Variants in BMPR1B observed in about 807,000 individuals in gnomAD.
BMPR1B encodes bone morphogenetic protein receptor type 1B.
A neutral mutation model predicts 59.1 loss-of-function variants in BMPR1B; 12 were observed. The observed-to-expected ratio is 0.20, with a 90% CI of 0.13 to 0.33. The LOEUF (loss-of-function observed/expected upper bound fraction) is 0.33. Among genes scored for constraint, BMPR1B ranks in the 10% least tolerant of loss-of-function variants. The pLI, the probability that BMPR1B is intolerant of heterozygous loss-of-function variation, is 1.00. For missense variants in BMPR1B, 550 were observed against 610.9 expected (o/e 0.90, Z 1.05); for synonymous variants, 237 against 207.3 (o/e 1.14, Z -1.23).
chr4:95,080,737 A>C (rs552196028), intron 3 of BMPR1B, among the ~76,000 whole-genome samples: 1 of 152,212 alleles, frequency 6.6e-6, no homozygotes, highest in African/African-American at 2.4e-5. Flanking sequence ...CAGTGTGCTC[A>C]CAGTGAAAAC....
At chr4:94,979,144 T>C (rs4699825) in intron 2 of BMPR1B, among the ~76,000 whole-genome samples, 145,082 of 152,084 alleles carry the variant, frequency 0.95, 69,238 homozygotes, top group Middle Eastern at 0.99. Flanking sequence ...CGGGGTCCCT[T>C]CATGACACGT....
At chr4:95,003,593 C>T (rs1722605385) in intron 3 of BMPR1B, among the ~76,000 whole-genome samples, 2 of 151,996 alleles carry the variant, frequency 1.3e-5, no homozygotes, top group Non-Finnish European at 2.9e-5. Context: ...TGAATAACCA[C>T]CTCCATTTAC....
intron 1 of BMPR1B, among the ~76,000 whole-genome samples, chr4:94,827,142 C>T (rs1724410639): frequency 6.6e-6 from 1 of 152,004 alleles, no homozygotes; most frequent in Non-Finnish European, 1.5e-5. Context: ...CCTCATCCCC[C>T]TCTGTGTCTC....
At chr4:95,071,646 G>GTATATATATATATA (rs1179814583) in intron 3 of BMPR1B, among the ~76,000 whole-genome samples, 255 of 86,346 alleles carry the variant, frequency 3.0e-3, no homozygotes, top group African/African-American at 0.012. Context: ...GTGTGTGTGT[G>GTATATATATATATA]TGTGTGTATA....
intron 2 of BMPR1B, among the ~76,000 whole-genome samples, chr4:94,993,919 G>A (rs953147760): frequency 6.6e-6 from 1 of 152,086 alleles, no homozygotes; most frequent in African/African-American, 2.4e-5. Context: ...ATCTCTGTGT[G>A]TTACTTAAAT....
intron 3 of BMPR1B, among the ~76,000 whole-genome samples, chr4:95,032,235 G>A (rs1377650189): frequency 6.6e-6 from 1 of 152,088 alleles, no homozygotes; most frequent in African/African-American, 2.4e-5. Context: ...ATTTTGCTGT[G>A]TCCTCACATG....
At chr4:94,759,840 A>G (rs1355425786) in intron 1 of BMPR1B, among the ~76,000 whole-genome samples, 5 of 152,254 alleles carry the variant, frequency 3.3e-5, no homozygotes, top group Non-Finnish European at 1.5e-5. Flanking sequence ...AGTTTGTGTT[A>G]TAAGCAGATC....
chr4:95,058,804 G>A (rs1295968246), intron 3 of BMPR1B, among the ~76,000 whole-genome samples: 2 of 151,970 alleles, frequency 1.3e-5, no homozygotes, highest in Non-Finnish European at 1.5e-5. Context: ...ATTCAAATCA[G>A]TATTTCAAAT....
intron 2 of BMPR1B, among the ~76,000 whole-genome samples, chr4:94,931,330 T>C (rs971149278): frequency 1.3e-5 from 2 of 152,166 alleles, no homozygotes; most frequent in Non-Finnish European, 2.9e-5. Context: ...TTTAGACTTT[T>C]AAAGTTACAA....
At chr4:95,062,459 A>AG (rs1727469401) in intron 3 of BMPR1B, among the ~76,000 whole-genome samples, 1 of 152,308 alleles carries the variant, frequency 6.6e-6, no homozygotes, top group African/African-American at 2.4e-5. Flanking sequence ...TGAGGTGAGA[A>AG]GGGGACAAAG....
intron 3 of BMPR1B, among the ~76,000 whole-genome samples, chr4:95,041,287 G>T (rs972281915): frequency 6.6e-6 from 1 of 152,024 alleles, no homozygotes; most frequent in African/African-American, 2.4e-5. Context: ...GGGCTCAAGC[G>T]ATCCTCCTAC....
chr4:94,759,136 CTGTT>C (rs1363389990), intron 1 of BMPR1B, among the ~76,000 whole-genome samples: 1 of 152,194 alleles, frequency 6.6e-6, no homozygotes, highest in Non-Finnish European at 1.5e-5. Flanking sequence ...CTGGGTCCTG[CTGTT>C]TGTTCTGAAT....
intron 1 of BMPR1B, among the ~76,000 whole-genome samples, chr4:94,835,077 T>A (rs1578697235): frequency 6.6e-6 from 1 of 152,072 alleles, no homozygotes; most frequent in Non-Finnish European, 1.5e-5. Flanking sequence ...TTTTAGTGGT[T>A]ATAGGAGTTA....
chr4:94,910,920 C>T (rs1728247263), intron 2 of BMPR1B, among the ~76,000 whole-genome samples: 1 of 151,794 alleles, frequency 6.6e-6, no homozygotes, highest in African/African-American at 2.4e-5. Flanking sequence ...TTTTCCCACT[C>T]CCCCCAAAAT....
chr4:94,925,309 GA>G (rs1303714915), intron 2 of BMPR1B, among the ~76,000 whole-genome samples: 2 of 151,684 alleles, frequency 1.3e-5, no homozygotes, highest in Non-Finnish European at 2.9e-5. Flanking sequence ...TGCAAATTTT[GA>G]AAAAAAGGAA....
intron 1 of BMPR1B, among the ~76,000 whole-genome samples, chr4:94,770,842 T>C (rs538671792): frequency 1.4e-5 from 2 of 146,956 alleles, no homozygotes; most frequent in South Asian, 4.4e-4. Context: ...GTTTCTCCCT[T>C]GAGGCTCTAC....
At chr4:94,876,917 A>G (rs1726754406) in intron 2 of BMPR1B, among the ~76,000 whole-genome samples, 1 of 152,206 alleles carries the variant, frequency 6.6e-6, no homozygotes, top group Non-Finnish European at 1.5e-5. Context: ...TTACTTTTGC[A>G]TATTTATAAA....
intron 2 of BMPR1B, among the ~76,000 whole-genome samples, chr4:94,900,506 T>A (rs1727770107): frequency 6.6e-6 from 1 of 152,044 alleles, no homozygotes; most frequent in Admixed American, 6.6e-5. Context: ...CAATGCCTAG[T>A]CTCAGCTAAA....
chr4:94,908,613 T>G (rs1380299530), intron 2 of BMPR1B, among the ~76,000 whole-genome samples: 1 of 152,008 alleles, frequency 6.6e-6, no homozygotes, highest in East Asian at 1.9e-4. Context: ...ATTCCCCAGT[T>G]TTTAATCAGC....
Sources: allele counts gnomAD v4.1 joint callset (sites outside exome capture counted in the v4.1 genomes callset), GRCh38; gene constraint gnomAD v4.1.1; transcripts MANE v1.5; gene names NCBI Gene and HGNC (gene_info 2026-07-23, HGNC 2026-07-21).